ANHX: variants seen among roughly 807,000 people sequenced by gnomAD.
ANHX encodes anomalous homeobox protein.
ANHX carries 20 observed loss-of-function variants against 38.9 expected under a neutral mutation model. The observed-to-expected ratio is 0.51, with a 90% CI of 0.36 to 0.75. The LOEUF is 0.75. Among genes scored for constraint, ANHX ranks in the 30% least tolerant of loss-of-function variants. The pLI is 0.00. For synonymous variants in ANHX, 185 were observed against 203.1 expected, an observed-to-expected ratio of 0.91 and a Z score of 0.76; for missense variants, 475 against 493.1, an observed-to-expected ratio of 0.96 and a Z score of 0.35.
chr12:133,229,068 C>T (rs921618011), intron 3 of ANHX, among the ~76,000 whole-genome samples: 9 of 152,168 alleles, frequency 5.9e-5, no homozygotes, highest in Admixed American at 2.6e-4. Flanking sequence ...CTCTCACTGG[C>T]CATGTCTCAG....
rs541270338 is a variant in ANHX at position 133,231,268 on chromosome 12, C to T, written c.377+249G>A. Among the ~76,000 whole-genome samples the T allele has an allele frequency of 3.3e-5, 5 of 152,312 alleles. No individual in the cohort carries two copies. The East Asian group carries it at 5.8e-4, about 18-fold the overall frequency. On this transcript the variant is annotated intron_variant, in intron 3 of 9. Coordinates refer to ENST00000545940, the MANE Select transcript of ANHX (RefSeq NM_001372060.1). ...CTCAGTCACCCTGTGGTCAGCCATC[C>T]GTTTCCAGCCATCAGCTGACTGAAG...
intron 1 of ANHX, 86 bp downstream of exon 1, chr12:133,235,721 C>T (rs1201538617): frequency 3.2e-5 from 4 of 125,256 alleles, no homozygotes; most frequent in African/African-American, 6.1e-5. Flanking sequence ...CTGGGACCCC[C>T]GCCCCCGCGC....
intron 2 of ANHX, among the ~76,000 whole-genome samples, chr12:133,232,603 G>T (rs530702150): frequency 1.3e-5 from 2 of 152,316 alleles, no homozygotes; most frequent in South Asian, 4.1e-4. Context: ...CGTTCTTGAT[G>T]TGGTGGTCCC....
rs765145773 is a variant in ANHX, at chr12:133,218,895, C to A, written c.1442G>T (p.Ser481Ile). The A allele has an allele frequency of 6.5e-7, 1 of 1,527,696 alleles. No individual in the cohort carries two copies. Among genetic ancestry groups the A allele is most frequent in the South Asian group, 1.2e-5 (1 of 83,498 alleles). 94.6% of individuals were successfully genotyped at this position (1,527,696 alleles called of 1,614,324 possible). Residue 481 changes from serine (S) to isoleucine (I), a missense_variant, in exon 10 of 10, where the codon AGC becomes ATC. Transcript: ENST00000545940. ...ARMLLEFSGSSLG is the reference protein window; with the variant it reads ...ARMLLEFSGSILG ...GCTCCTGGGGATAGCTCAGCCCAGG[C>A]TGCTCCCTGAAAACTCAAGGAGCAT...
At chr12:133,226,850 T>A (rs1957196115) in intron 5 of ANHX, 86 bp downstream of exon 5, 1 of 1,276,002 alleles carries the variant, frequency 7.8e-7, no homozygotes, top group African/African-American at 1.5e-5. Flanking sequence ...GGGCTACCCC[T>A]GTAAGCAGTG....
intron 7 of ANHX, among the ~76,000 whole-genome samples, chr12:133,224,016 C>T (rs1957150098): frequency 6.6e-6 from 1 of 152,132 alleles, no homozygotes; most frequent in African/African-American, 2.4e-5. Context: ...ATCTTGCAGG[C>T]ACTCTTTCTT....
chr12:133,234,474 G>T, intron 1 of ANHX, 96 bp from the exon 2 acceptor site: 1 of 1,388,056 alleles, frequency 7.2e-7, no homozygotes, highest in Non-Finnish European at 9.6e-7. Flanking sequence ...GTGATGCACG[G>T]CTCTTGTGCC....
At chr12:133,223,008 T>C (rs1298358517) in intron 7 of ANHX, among the ~76,000 whole-genome samples, 2 of 151,964 alleles carry the variant, frequency 1.3e-5, no homozygotes, top group Non-Finnish European at 2.9e-5. Flanking sequence ...CTGACCAACA[T>C]GGTGAAATCC....
In ANHX at chr12:133,218,507, T is replaced by A. The variant is rs1197880322; in HGVS notation, c.*378A>T. ...ACTCCTCATACCTCACTCAGTTAACTTGGTGGAAAAGTCTGGCTGTGTGCA... is the reference window on the plus strand; with the variant it reads ...ACTCCTCATACCTCACTCAGTTAACATGGTGGAAAAGTCTGGCTGTGTGCA... On this transcript the variant is annotated 3_prime_UTR_variant, in exon 10 of 10. Transcript: ENST00000545940. 6.0e-6 allele frequency: 1 copy of A among 165,556 alleles called. No homozygotes were observed. Among genetic ancestry groups the A allele is most frequent in the African/African-American group, 2.4e-5 (1 of 41,828 alleles). The allele number at this position is 165,556 out of a possible 1,614,324, so 10.3% of individuals were successfully genotyped here.
At chr12:133,219,552 G>C (rs983742827) in intron 8 of ANHX, among the ~76,000 whole-genome samples, 185 bp from the exon 9 acceptor site, 3 of 152,212 alleles carry the variant, frequency 2.0e-5, no homozygotes, top group African/African-American at 4.8e-5. Context: ...GTTACACAGA[G>C]AGCAGGGTCA....
chr12:133,233,487 A>T (rs1260641233), intron 2 of ANHX, among the ~76,000 whole-genome samples: 1 of 152,182 alleles, frequency 6.6e-6, no homozygotes. Flanking sequence ...AGAATTTTTC[A>T]GATTTCAGCA....
At chr12:133,231,194 G>C (rs1036775478) in intron 3 of ANHX, among the ~76,000 whole-genome samples, 1 of 152,142 alleles carries the variant, frequency 6.6e-6, no homozygotes, top group African/African-American at 2.4e-5. Flanking sequence ...CCAGTCCCTG[G>C]GTGGATGCTG....
rs146781195 is a variant in ANHX at position 133,221,468 on chromosome 12, G to A, written c.1133-116C>T. 1.3e-4 allele frequency: 158 copies of A among 1,215,820 alleles called. No individual in the cohort carries two copies. The highest frequency in any genetic ancestry group is 4.4e-4 in the East Asian group (17 of 38,686). 75.3% of individuals were successfully genotyped at this position (1,215,820 alleles called of 1,614,324 possible). On this transcript the variant is annotated intron_variant, in intron 7 of 9. Transcript: ENST00000545940. This position sits in a 1 kb window ranked among gnomAD's most constrained non-coding sequence, Gnocchi z 4.1. The stretch of plus-strand genomic sequence containing the variant: ...ATGCAGCCTCCGGCCCAGCCAGCCC[G>A]CGCCACGTGAACCAGACTCACGGTC...
intron 2 of ANHX, among the ~76,000 whole-genome samples, chr12:133,233,523 C>A (rs1042758980): frequency 6.6e-6 from 1 of 152,214 alleles, no homozygotes; most frequent in African/African-American, 2.4e-5. Context: ...CAGCACACGA[C>A]ATGCACCACT....
intron 1 of ANHX, chr12:133,235,362 G>C (rs905117432): frequency 1.2e-4 from 18 of 152,330 alleles, no homozygotes; most frequent in African/African-American, 3.9e-4. Context: ...GGGGTACCTT[G>C]GCCTGTCCGC....
At chr12:133,232,222 T>TA (rs1851342866) in intron 2 of ANHX, among the ~76,000 whole-genome samples, 1 of 47,118 alleles carries the variant, frequency 2.1e-5, no homozygotes, top group South Asian at 6.7e-4. Flanking sequence ...CTGTGGCCAG[T>TA]ACACCCATCC....
intron 8 of ANHX, among the ~76,000 whole-genome samples, chr12:133,219,894 A>G (rs974800583): frequency 1.3e-5 from 2 of 152,132 alleles, no homozygotes; most frequent in Non-Finnish European, 2.9e-5. Context: ...CATCCACGCA[A>G]TGGCACGTGG....
chr12:133,222,190 A>G (rs1431317981), intron 7 of ANHX, among the ~76,000 whole-genome samples: 1 of 152,204 alleles, frequency 6.6e-6, no homozygotes, highest in African/African-American at 2.4e-5. Context: ...ATAATGTTCA[A>G]GCACTAGTTT....
At chr12:133,219,231 G>A (rs1448646158) in intron 9 of ANHX, 52 bp downstream of exon 9, 3 of 1,455,518 alleles carry the variant, frequency 2.1e-6, no homozygotes, top group Admixed American at 2.0e-5. Context: ...ACCATGAGCT[G>A]CAGATCCAGG....
Sources: gnomAD v4.1 joint callset for allele counts (sites outside exome capture counted in the v4.1 genomes callset) on GRCh38, gnomAD v4.1.1 for gene constraint, Gnocchi (gnomAD v3.1) non-coding constraint, MANE v1.5 for transcripts, NCBI Gene and HGNC (gene_info 2026-07-23, HGNC 2026-07-21) for gene names.